The following TDRD9 variants were observed in gnomAD, a reference collection of about 807,000 sequenced individuals.
The protein encoded by TDRD9 is tudor domain containing 9.
A neutral mutation model predicts 172.6 loss-of-function variants in TDRD9; 124 were observed. The ratio of observed to expected loss-of-function variants is 0.72; its 90% CI spans 0.62 to 0.83. TDRD9 has a LOEUF of 0.83. Ranked by LOEUF, TDRD9 falls within the 40% of genes least tolerant of loss-of-function variation. TDRD9 has a pLI of 0.00. For synonymous variants in TDRD9, 619 were observed against 617.1 expected (o/e 1.00, Z -0.05); for missense variants, 1,479 against 1,714.1 (o/e 0.86, Z 2.42).
intron 7 of TDRD9, among the ~76,000 whole-genome samples, chr14:103,978,058 G>T (rs188801274): frequency 3.9e-5 from 6 of 152,252 alleles, no homozygotes; most frequent in African/African-American, 1.4e-4. Flanking sequence ...ATATCATGCT[G>T]TTTTGGTTAC....
At chr14:103,938,438 A>ATTTTTTTTTTT (rs1354196439) in intron 1 of TDRD9, among the ~76,000 whole-genome samples, 38 of 41,750 alleles carry the variant, frequency 9.1e-4, no homozygotes, top group South Asian at 3.9e-3. Flanking sequence ...ATATATATAT[A>ATTTTTTTTTTT]TATTTTTTTT....
intron 13 of TDRD9, among the ~76,000 whole-genome samples, chr14:104,001,944 C>G (rs1355152078): frequency 1.3e-5 from 2 of 151,328 alleles, no homozygotes; most frequent in African/African-American, 2.4e-5. Context: ...TAAACTCTTT[C>G]CATGGTGGCT....
chr14:104,044,495 C>G (rs539355884), intron 34 of TDRD9, among the ~76,000 whole-genome samples: 1 of 152,348 alleles, frequency 6.6e-6, no homozygotes, highest in South Asian at 2.1e-4. Flanking sequence ...AGCCCAGGTA[C>G]CACTGATCTG....
chr14:103,994,827 C>T (rs528321031), intron 11 of TDRD9, among the ~76,000 whole-genome samples: 69 of 152,046 alleles, frequency 4.5e-4, no homozygotes, highest in African/African-American at 1.6e-3. Context: ...CAGTGGCATG[C>T]ACCTGTAGTC....
chr14:104,006,741 G>A (rs747932750), intron 17 of TDRD9, 32 bp downstream of exon 17: 4 of 1,612,892 alleles, frequency 2.5e-6, no homozygotes, highest in East Asian at 2.2e-5. Context: ...AAGTGTCACT[G>A]TATTTTAATG....
At chr14:104,044,015 C>T (rs1220702191) in intron 34 of TDRD9, among the ~76,000 whole-genome samples, 2 of 152,184 alleles carry the variant, frequency 1.3e-5, no homozygotes, top group Non-Finnish European at 2.9e-5. Flanking sequence ...CCTGCTTAAG[C>T]CTGTGTGTCA....
At chr14:104,040,370 GTC>G in intron 33 of TDRD9, 36 bp downstream of exon 33, 2 of 1,488,330 alleles carry the variant, frequency 1.3e-6, no homozygotes, top group Non-Finnish European at 1.8e-6. Flanking sequence ...CCACAACCCT[GTC>G]TCTCTCTGGT....
chr14:104,040,142 CAT>C (rs1384253572), intron 32 of TDRD9, 52 bp from the exon 33 acceptor site: 1 of 1,352,468 alleles, frequency 7.4e-7, no homozygotes, highest in Admixed American at 3.1e-5. Flanking sequence ...CATGCTAAAA[CAT>C]ATACTTTAAC....
chr14:103,975,994 A>G (rs1208960129), intron 7 of TDRD9, among the ~76,000 whole-genome samples: 1 of 152,148 alleles, frequency 6.6e-6, no homozygotes, highest in Admixed American at 6.5e-5. Context: ...GTTATTTCTT[A>G]TCTAGCTATA....
intron 21 of TDRD9, 124 bp from the exon 22 acceptor site, chr14:104,015,857 A>G (rs984513882): frequency 4.7e-6 from 3 of 642,810 alleles, no homozygotes; most frequent in African/African-American, 3.7e-5. Context: ...CTAGTTTTCC[A>G]TACAAACGAT....
rs949744766 is a variant in TDRD9, at chr14:104,018,310, G to A, written c.2432+118G>A. The A allele has an allele frequency of 1.0e-5, 6 of 600,046 alleles. No homozygotes were observed. In the Admixed American group the frequency reaches 1.5e-4, roughly 15 times the overall value. The allele number at this position is 600,046 out of a possible 1,614,324, so 37.2% of individuals were successfully genotyped here. ...GAAATGGGTCCTCCTATGGGCTGCT[G>A]CAATTGGCTTTCAGAATGTAGCTTT... On this transcript the variant is annotated intron_variant, in intron 23 of 35. Coordinates refer to ENST00000409874, the MANE Select transcript of TDRD9 (RefSeq NM_153046.3).
intron 31 of TDRD9, among the ~76,000 whole-genome samples, chr14:104,034,492 C>T (rs943240454): frequency 7.9e-5 from 12 of 152,162 alleles, no homozygotes; most frequent in African/African-American, 2.2e-4. Context: ...GCCCAGCTTA[C>T]GTGCTGTTCT....
At chr14:104,008,567 T>G in intron 20 of TDRD9, 101 bp downstream of exon 20, 1 of 773,220 alleles carries the variant, frequency 1.3e-6, no homozygotes, top group East Asian at 2.6e-5. Context: ...TAGTAATGAG[T>G]ATTCCAAGAA....
intron 23 of TDRD9, among the ~76,000 whole-genome samples, chr14:104,018,842 A>G (rs2034869385): frequency 6.6e-6 from 1 of 152,200 alleles, no homozygotes; most frequent in South Asian, 2.1e-4. Context: ...TGTAAATAAG[A>G]ACAAACACTT....
Position 103,928,677 on chromosome 14 carries a change from T to G in TDRD9, c.168T>G (p.Ala56=), listed in dbSNP as rs2030140591. Residue 56 remains alanine (A), a synonymous_variant, in exon 1 of 36, where the codon GCT becomes GCG. Coordinates refer to ENST00000409874, the MANE Select transcript of TDRD9 (RefSeq NM_153046.3). ...CCGGCGCTGGTCCCGCGGCCCAGGCTCCGGCTCTGGCCCAAGCTCCGGCCC... is the reference window on the plus strand; with the variant it reads ...CCGGCGCTGGTCCCGCGGCCCAGGCGCCGGCTCTGGCCCAAGCTCCGGCCC... The part of the protein sequence containing the change: ...VAPGAGPAAQ[A]PALAQAPARP... The G allele has an allele frequency of 4.9e-6, 6 of 1,225,854 alleles. No individual in the cohort carries two copies. The highest frequency in any genetic ancestry group is 6.2e-6 in the Non-Finnish European group (6 of 973,878). The allele number at this position is 1,225,854 out of a possible 1,614,324, so 75.9% of individuals were successfully genotyped here.
intron 9 of TDRD9, 91 bp downstream of exon 9, chr14:103,991,315 C>A: frequency 7.7e-7 from 1 of 1,295,778 alleles, no homozygotes; most frequent in Non-Finnish European, 1.1e-6. Context: ...AGATGGTATT[C>A]TCCATAGGAC....
chr14:103,971,018 C>G (rs566405860), intron 6 of TDRD9, among the ~76,000 whole-genome samples: 14 of 151,716 alleles, frequency 9.2e-5, no homozygotes, highest in Admixed American at 7.2e-4. Context: ...GAGTCTAGCT[C>G]TGTCGCCCAG....
chr14:103,994,697 A>G, intron 11 of TDRD9, 94 bp downstream of exon 11: 2 of 1,018,100 alleles, frequency 2.0e-6, no homozygotes, highest in South Asian at 1.5e-5. Flanking sequence ...GTCGTGGCTC[A>G]TGCGTGTGTT....
intron 1 of TDRD9, 61 bp from the exon 2 acceptor site, chr14:103,955,603 A>G (rs1476925801): frequency 2.3e-6 from 3 of 1,301,860 alleles, no homozygotes; most frequent in Non-Finnish European, 3.2e-6. Context: ...AAACTTGTCT[A>G]GTACACAAGG....
Sources: gnomAD v4.1 joint callset for allele counts (sites outside exome capture counted in the v4.1 genomes callset) on GRCh38, gnomAD v4.1.1 for gene constraint, MANE v1.5 for transcripts, NCBI Gene and HGNC (gene_info 2026-07-23, HGNC 2026-07-21) for gene names.